OSBPL9: variants seen among roughly 807,000 people sequenced by gnomAD.
OSBPL9 encodes the protein oxysterol binding protein like 9, also known as oxysterol-binding protein-related protein 9.
OSBPL9 carries 40 observed loss-of-function variants against 106.6 expected under a neutral mutation model. That is an observed-to-expected ratio of 0.38 (90% CI 0.29 to 0.49). OSBPL9 has a LOEUF of 0.49. Ranked by LOEUF, OSBPL9 falls within the 20% of genes least tolerant of loss-of-function variation. The pLI, the probability that OSBPL9 is intolerant of heterozygous loss-of-function variation, is 0.97. For synonymous variants in OSBPL9, 269 were observed against 295.4 expected (o/e 0.91, Z 0.92); for missense variants, 609 against 887.2 (o/e 0.69, Z 3.98).
At chr1:51,779,697 A>C (rs983330328) in intron 15 of OSBPL9, among the ~76,000 whole-genome samples, 45 of 152,204 alleles carry the variant, frequency 3.0e-4, no homozygotes, top group Non-Finnish European at 1.2e-4. Context: ...CAGGAAGAAA[A>C]AAAAACAAAA....
chr1:51,752,370 G>T (rs1362507666), intron 8 of OSBPL9: 1 of 289,732 alleles, frequency 3.5e-6, no homozygotes, highest in East Asian at 8.6e-5. Context: ...TCTTTGGAAA[G>T]ACTTTTCCTG....
chr1:51,520,147 T>A, the OSBPL9 span, among the ~76,000 whole-genome samples: 1 of 152,228 alleles, frequency 6.6e-6, no homozygotes, highest in African/African-American at 2.4e-5. Flanking sequence ...AATGACAGTT[T>A]ACACCTATCT....
intron 1 of OSBPL9, among the ~76,000 whole-genome samples, chr1:51,641,989 T>C (rs1426351423): frequency 1.3e-5 from 2 of 152,156 alleles, no homozygotes; most frequent in African/African-American, 2.4e-5. Context: ...AAGTGTCAAG[T>C]GGTTATAAAG....
chr1:51,777,064 G>A, intron 15 of OSBPL9, 146 bp downstream of exon 15: 1 of 626,434 alleles, frequency 1.6e-6, no homozygotes, highest in Non-Finnish European at 2.7e-6. Flanking sequence ...GTTTACACTG[G>A]TTGCCTGTTT....
chr1:51,600,133 T>A (rs146881484), intron 2 of OSBPL9, among the ~76,000 whole-genome samples: 2 of 152,224 alleles, frequency 1.3e-5, no homozygotes, highest in Non-Finnish European at 2.9e-5. Context: ...TTCCAACATA[T>A]GAATTTTGGA....
chr1:51,656,965 G>A lies in OSBPL9; in HGVS notation c.162+4924G>A, dbSNP rs574383932. Among the ~76,000 whole-genome samples, 49 of 152,068 alleles carry A rather than the reference G, an allele frequency of 3.2e-4. No homozygotes were observed. In the South Asian group the frequency reaches 1.0e-2, roughly 31 times the overall value. On this transcript the variant is annotated intron_variant, in intron 2 of 23. Transcript: ENST00000428468. ...AGCATTGGAAATTACAGGCACCAGCGACCATGCCTGGCCTATTTTTTTACA... is the reference window on the plus strand; with the variant it reads ...AGCATTGGAAATTACAGGCACCAGCAACCATGCCTGGCCTATTTTTTTACA...
At chr1:51,767,072 C>G (rs1385901158) in intron 12 of OSBPL9, among the ~76,000 whole-genome samples, 1 of 151,618 alleles carries the variant, frequency 6.6e-6, no homozygotes, top group Non-Finnish European at 1.5e-5. Context: ...GAGCAAGACT[C>G]TGTTTCCAAA....
chr1:51,773,669 A>C (rs1674419620), intron 14 of OSBPL9, among the ~76,000 whole-genome samples: 1 of 152,194 alleles, frequency 6.6e-6, no homozygotes, highest in African/African-American at 2.4e-5. Context: ...GTTAGGGCAA[A>C]ATCAATTCCA....
intron 7 of OSBPL9, among the ~76,000 whole-genome samples, chr1:51,749,208 C>T (rs1018155629): frequency 2.6e-5 from 4 of 152,132 alleles, no homozygotes; most frequent in Non-Finnish European, 5.9e-5. Flanking sequence ...TAATGGGCTA[C>T]TTATGAGATG....
the OSBPL9 span, among the ~76,000 whole-genome samples, chr1:51,529,064 T>C: frequency 6.6e-6 from 1 of 152,216 alleles, no homozygotes; most frequent in African/African-American, 2.4e-5. Context: ...AGATTGTTAA[T>C]ATGGTAATAC....
At chr1:51,703,068 G>C (rs1199463560) in intron 3 of OSBPL9, among the ~76,000 whole-genome samples, 1 of 152,182 alleles carries the variant, frequency 6.6e-6, no homozygotes, top group African/African-American at 2.4e-5. Context: ...TTTGAAGTCA[G>C]GTAGCTTGAT....
intron 1 of OSBPL9, among the ~76,000 whole-genome samples, chr1:51,626,842 A>G (rs957175171): frequency 1.3e-5 from 2 of 152,148 alleles, no homozygotes; most frequent in Non-Finnish European, 2.9e-5. Context: ...GATGATGTCC[A>G]GTTTATTTGT....
At chr1:51,560,219 C>CA in the OSBPL9 span, among the ~76,000 whole-genome samples, 1 of 152,164 alleles carries the variant, frequency 6.6e-6, no homozygotes, top group African/African-American at 2.4e-5. Flanking sequence ...AGGATATACC[C>CA]AAGGACAGGT....
intron 3 of OSBPL9, among the ~76,000 whole-genome samples, chr1:51,698,474 G>A (rs190662847): frequency 1.3e-5 from 2 of 150,754 alleles, no homozygotes; most frequent in Admixed American, 6.6e-5. Flanking sequence ...ATATGTGTAT[G>A]TACACATATG....
chr1:51,619,553 G>A (rs888500416), intron 1 of OSBPL9, among the ~76,000 whole-genome samples: 1 of 152,044 alleles, frequency 6.6e-6, no homozygotes, highest in African/African-American at 2.4e-5. Flanking sequence ...CTCACTAACA[G>A]CTGTTTAGAA....
chr1:51,649,539 G>A (rs1021952198), intron 1 of OSBPL9, among the ~76,000 whole-genome samples: 1 of 152,100 alleles, frequency 6.6e-6, no homozygotes, highest in Admixed American at 6.6e-5. Flanking sequence ...TCTTGGAATG[G>A]CCTTTCCCCC....
intron 2 of OSBPL9, among the ~76,000 whole-genome samples, chr1:51,666,268 G>T (rs1440013104): frequency 6.6e-6 from 1 of 152,158 alleles, no homozygotes; most frequent in Non-Finnish European, 1.5e-5. Context: ...GGAAGGTTAA[G>T]GTACAGCCAA....
At chr1:51,611,672 C>A (rs1643988855) in intron 2 of OSBPL9, among the ~76,000 whole-genome samples, 1 of 152,108 alleles carries the variant, frequency 6.6e-6, no homozygotes, top group South Asian at 2.1e-4. Flanking sequence ...CTTGTTCTTC[C>A]TTTTTAAAAA....
intron 1 of OSBPL9, among the ~76,000 whole-genome samples, chr1:51,645,726 C>T (rs1250100937): frequency 6.6e-6 from 1 of 152,006 alleles, no homozygotes; most frequent in Admixed American, 6.6e-5. Flanking sequence ...AAGATTTATA[C>T]CTACGTTTTT....
Sources: allele counts gnomAD v4.1 joint callset (sites outside exome capture counted in the v4.1 genomes callset), GRCh38; gene constraint gnomAD v4.1.1; transcripts MANE v1.5; gene names NCBI Gene and HGNC (gene_info 2026-07-23, HGNC 2026-07-21).